Variants in ATP9A observed in about 807,000 individuals in gnomAD.
ATP9A encodes the protein probable phospholipid-transporting ATPase IIA.
In ATP9A, 52 loss-of-function variants were observed where a neutral mutation model predicts 144.1. That is an observed-to-expected ratio of 0.36 (90% CI 0.29 to 0.45). The LOEUF (loss-of-function observed/expected upper bound fraction) is 0.45, where lower values mean the gene tolerates loss of function less well. ATP9A is among the 20% of genes least tolerant of loss of function. ATP9A has a pLI of 1.00. For synonymous variants in ATP9A, 582 were observed against 557.4 expected (o/e 1.04, Z -0.62); for missense variants, 947 against 1,392.7 (o/e 0.68, Z 5.09).
chr20:51,666,408 T>C (rs1428827039), intron 13 of ATP9A, among the ~76,000 whole-genome samples: 1 of 152,030 alleles, frequency 6.6e-6, no homozygotes, highest in African/African-American at 2.4e-5. Context: ...GGGCCAGGCA[T>C]GGTGACTCAC....
intron 7 of ATP9A, 61 bp from the exon 8 acceptor site, chr20:51,690,880 G>A: frequency 7.6e-7 from 1 of 1,322,612 alleles, no homozygotes; most frequent in Non-Finnish European, 1.1e-6. Context: ...ACTTCAGGAG[G>A]CATCCACTAT....
At chr20:51,676,282 G>T in intron 9 of ATP9A, 74 bp from the exon 10 acceptor site, 2 of 1,159,028 alleles carry the variant, frequency 1.7e-6, no homozygotes, top group Non-Finnish European at 2.4e-6. Flanking sequence ...AAATAGAAGA[G>T]TCTGATCCTC....
chr20:51,726,268 G>A (rs1168572943), intron 2 of ATP9A, among the ~76,000 whole-genome samples: 2 of 127,290 alleles, frequency 1.6e-5, no homozygotes, highest in Non-Finnish European at 3.1e-5. Flanking sequence ...AGCCAAGATC[G>A]CACCATTGCA....
At chr20:51,723,510 G>A (rs2077698356) in intron 3 of ATP9A, among the ~76,000 whole-genome samples, 1 of 151,574 alleles carries the variant, frequency 6.6e-6, no homozygotes, top group Admixed American at 6.6e-5. Context: ...GGAATTCAAG[G>A]CTGCAGTGAG....
chr20:51,715,636 A>G (rs2077658841), intron 3 of ATP9A, among the ~76,000 whole-genome samples: 2 of 152,092 alleles, frequency 1.3e-5, no homozygotes, highest in South Asian at 4.1e-4. Flanking sequence ...CTTCACATAT[A>G]CACACACAGT....
chr20:51,707,853 T>TTGTGTG (rs146098575), intron 4 of ATP9A, among the ~76,000 whole-genome samples: 1 of 150,530 alleles, frequency 6.6e-6, no homozygotes, highest in African/African-American at 2.4e-5. Flanking sequence ...TCAACTGTGT[T>TTGTGTG]TGTGTGTGTG....
At chr20:51,705,418 T>C (rs958844121) in intron 4 of ATP9A, among the ~76,000 whole-genome samples, 1 of 151,986 alleles carries the variant, frequency 6.6e-6, no homozygotes, top group Middle Eastern at 3.4e-3. Context: ...TAGAAAGAAG[T>C]GGAAAAGGAA....
At chr20:51,720,348 T>C (rs1003400492) in intron 3 of ATP9A, among the ~76,000 whole-genome samples, 1 of 152,200 alleles carries the variant, frequency 6.6e-6, no homozygotes, top group African/African-American at 2.4e-5. Flanking sequence ...AGTAAACAGT[T>C]ATGGAACTAA....
In ATP9A at chr20:51,650,429, G is replaced by A. The variant is rs896719789; in HGVS notation, c.1506+6509C>T. 2.6e-5 allele frequency among the ~76,000 whole-genome samples: 4 copies of A among 151,742 alleles called. No homozygotes were observed. The East Asian group carries it at 7.7e-4, about 29-fold the overall frequency. ...TGCACCTGTAGTCCCAGCTGCTCGG[G>A]AGGCCGAGGCAGGAGAATCACTTGA... is the stretch of plus-strand genomic sequence containing the variant. On this transcript the variant is annotated intron_variant, in intron 14 of 27. Transcript: ENST00000338821.
At chr20:51,697,263 GTGTC>G (rs893049895) in intron 5 of ATP9A, among the ~76,000 whole-genome samples, 157 bp downstream of exon 5, 13 of 152,014 alleles carry the variant, frequency 8.6e-5, no homozygotes, top group African/African-American at 3.1e-4. Flanking sequence ...GTGTGTGTGT[GTGTC>G]TGTCTGTCTG....
chr20:51,699,336 A>AT (rs2077583781), intron 4 of ATP9A, among the ~76,000 whole-genome samples: 1 of 89,236 alleles, frequency 1.1e-5, no homozygotes, highest in African/African-American at 4.2e-5. Context: ...TCAATCTCAA[A>AT]AAAAAAAAAA....
intron 3 of ATP9A, among the ~76,000 whole-genome samples, chr20:51,716,533 G>GCATA (rs2077662657): frequency 6.6e-6 from 1 of 151,566 alleles, no homozygotes; most frequent in South Asian, 2.1e-4. Context: ...TCGTGCTATG[G>GCATA]TCCCAGTTAC....
At chr20:51,626,155 G>A (rs1183160656) in intron 17 of ATP9A, among the ~76,000 whole-genome samples, 1 of 152,192 alleles carries the variant, frequency 6.6e-6, no homozygotes, top group Non-Finnish European at 1.5e-5. Flanking sequence ...CAATAAGCAA[G>A]TCAATAATCT....
At chr20:51,641,214 C>G (rs2077317280) in intron 14 of ATP9A, among the ~76,000 whole-genome samples, 1 of 151,404 alleles carries the variant, frequency 6.6e-6, no homozygotes, top group Non-Finnish European at 1.5e-5. Flanking sequence ...CAAAAATTAG[C>G]CGGAGGTGGT....
chr20:51,629,850 CA>C (rs2077263532), intron 15 of ATP9A, among the ~76,000 whole-genome samples: 1 of 152,180 alleles, frequency 6.6e-6, no homozygotes, highest in Non-Finnish European at 1.5e-5. Flanking sequence ...TCAGTTTTCT[CA>C]TCTGTAAAAC....
Position 51,696,084 on chromosome 20 carries a change from G to A in ATP9A, c.547+9C>T. ...ATGGTTATTTTCCAAATTGATCTCA[G>A]ATGTTTACCGTTTTTTTCTGATGTC... is the stretch of plus-strand genomic sequence containing the variant. On this transcript the variant is annotated intron_variant, in intron 6 of 27. Coordinates refer to ENST00000338821, the MANE Select transcript of ATP9A (RefSeq NM_006045.3). 6.2e-7 allele frequency: 1 copy of A among 1,611,256 alleles called. No individual in the cohort carries two copies. The highest frequency in any genetic ancestry group is 8.5e-7 in the Non-Finnish European group (1 of 1,177,432).
chr20:51,760,614 C>A (rs1425903873), intron 1 of ATP9A, among the ~76,000 whole-genome samples: 1 of 151,680 alleles, frequency 6.6e-6, no homozygotes, highest in Non-Finnish European at 1.5e-5. Context: ...GTAATCCCAG[C>A]TACTTGGGAG....
intron 24 of ATP9A, among the ~76,000 whole-genome samples, 176 bp downstream of exon 24, chr20:51,609,925 C>T (rs1408914676): frequency 1.3e-5 from 2 of 152,224 alleles, no homozygotes; most frequent in African/African-American, 4.8e-5. Flanking sequence ...CTTAACAGCT[C>T]AAAACCTTGT....
At chr20:51,656,914 C>T in intron 14 of ATP9A, 24 bp downstream of exon 14, 1 of 1,606,212 alleles carries the variant, frequency 6.2e-7, no homozygotes, top group Non-Finnish European at 8.5e-7. Flanking sequence ...CTCCCCATGC[C>T]TTGCTGCACC....
Sources: gnomAD v4.1 joint callset for allele counts (sites outside exome capture counted in the v4.1 genomes callset) on GRCh38, gnomAD v4.1.1 for gene constraint, MANE v1.5 for transcripts, NCBI Gene and HGNC (gene_info 2026-07-23, HGNC 2026-07-21) for gene names.